DNAH11: variants seen among roughly 807,000 people sequenced by gnomAD.
DNAH11 encodes the protein dynein axonemal heavy chain 11, also known as axonemal beta dynein heavy chain 11.
A neutral mutation model predicts 526.0 loss-of-function variants in DNAH11; 442 were observed. That is an observed-to-expected ratio of 0.84 (90% CI 0.78 to 0.91). The LOEUF (loss-of-function observed/expected upper bound fraction) is 0.91. Ranked by LOEUF, DNAH11 falls within the 40% of genes least tolerant of loss-of-function variation. DNAH11 has a pLI of 0.00. For missense variants in DNAH11, 6,989 were observed against 5,448.7 expected (o/e 1.28, Z -8.90); for synonymous variants, 2,461 against 1,935.9 (o/e 1.27, Z -7.12).
chr7:21,611,920 C>G (rs889019934), intron 20 of DNAH11, among the ~76,000 whole-genome samples: 1 of 152,128 alleles, frequency 6.6e-6, no homozygotes, highest in African/African-American at 2.4e-5. Context: ...TAGTGAATAA[C>G]TAGTTATGCT....
intron 4 of DNAH11, among the ~76,000 whole-genome samples, chr7:21,560,293 T>TA (rs1425592255): frequency 1.3e-5 from 2 of 152,090 alleles, no homozygotes; most frequent in Non-Finnish European, 2.9e-5. Flanking sequence ...TATAATATAT[T>TA]AGGTTCTCTA....
Position 21,818,268 on chromosome 7 carries a change from T to G in DNAH11, c.10620T>G (p.Ile3540Met). The G allele has an allele frequency of 6.2e-7, 1 of 1,612,426 alleles. No homozygotes were observed. The highest frequency in any genetic ancestry group is 8.5e-7 in the Non-Finnish European group (1 of 1,179,098). Residue 3540 changes from isoleucine to methionine, a missense_variant, in exon 65 of 82, where the codon ATT (isoleucine) becomes ATG (methionine). Coordinates refer to ENST00000409508, the MANE Select transcript of DNAH11 (RefSeq NM_001277115.2). ...TGGCCTTTGGTGATGTCATCTTAAT[T>G]GAAAATCTCGAGGAAACGATAGATC... is the stretch of plus-strand genomic sequence containing the variant. ...TALAFGDVILIENLEETIDPV... is the reference protein window; with the variant it reads ...TALAFGDVILMENLEETIDPV...
intron 25 of DNAH11, among the ~76,000 whole-genome samples, chr7:21,625,848 G>A (rs1000133473): frequency 1.8e-4 from 28 of 152,056 alleles, no homozygotes; most frequent in African/African-American, 6.8e-4. Context: ...ATGCCACTGT[G>A]ATTGGAAAAA....
chr7:21,744,764 A>G, intron 50 of DNAH11, 106 bp from the exon 51 acceptor site: 1 of 1,443,780 alleles, frequency 6.9e-7, no homozygotes, highest in Non-Finnish European at 9.4e-7. Context: ...CCACCCACCT[A>G]CCCATGTGTG....
chr7:21,663,757 C>CTT (rs34243043), intron 30 of DNAH11, among the ~76,000 whole-genome samples: 9,987 of 145,732 alleles, frequency 0.069, 704 homozygotes, highest in East Asian at 0.21. Context: ...ACAGGATTTC[C>CTT]TTTTTTTTTT....
intron 32 of DNAH11, among the ~76,000 whole-genome samples, chr7:21,686,891 C>T (rs970610721): frequency 2.0e-5 from 3 of 152,152 alleles, no homozygotes; most frequent in Admixed American, 6.5e-5. Context: ...ACATTCTTTT[C>T]TAGTATTTTT....
intron 45 of DNAH11, among the ~76,000 whole-genome samples, chr7:21,730,683 G>A (rs1290370401): frequency 2.0e-5 from 3 of 152,174 alleles, no homozygotes; most frequent in Non-Finnish European, 2.9e-5. Context: ...GCTACCAGGG[G>A]CTGGAGTTAG....
At chr7:21,783,976 T>C (rs563619394) in intron 57 of DNAH11, among the ~76,000 whole-genome samples, 52 of 152,292 alleles carry the variant, frequency 3.4e-4, no homozygotes, top group African/African-American at 1.1e-3. Context: ...ATCTGTTCTT[T>C]AGGAATAGCC....
intron 66 of DNAH11, among the ~76,000 whole-genome samples, chr7:21,850,908 G>A (rs1782607457): frequency 1.3e-5 from 2 of 152,112 alleles, no homozygotes; most frequent in Admixed American, 1.3e-4. Flanking sequence ...TATTATACTG[G>A]AGTCTGTCAA....
chr7:21,716,931 T>G (rs1375926795), intron 42 of DNAH11, among the ~76,000 whole-genome samples: 2 of 152,188 alleles, frequency 1.3e-5, no homozygotes, highest in African/African-American at 4.8e-5. Flanking sequence ...CTTGCCTTAA[T>G]GTCTCCTGAT....
intron 30 of DNAH11, among the ~76,000 whole-genome samples, chr7:21,680,487 C>A (rs752472840): frequency 1.1e-4 from 16 of 152,212 alleles, no homozygotes; most frequent in Non-Finnish European, 2.1e-4. Context: ...TCAAACCTCT[C>A]TGACCACAAT....
intron 66 of DNAH11, chr7:21,851,415 G>A (rs527714829): frequency 4.9e-5 from 16 of 328,184 alleles, no homozygotes; most frequent in South Asian, 3.0e-4. Context: ...GTCCTTTATC[G>A]CACCTTGAGA....
rs751199741 is a variant in DNAH11 at position 21,707,840 on chromosome 7, T to C, written c.6683+5T>C. ...CCGAGAATGGAAAGATGGCAAGTAG[T>C]ATTTCCCCTTTAGAAGTGCTCAATT... is the stretch of plus-strand genomic sequence containing the variant. On this transcript the variant is annotated splice_donor_5th_base_variant and intron_variant, in intron 40 of 81. Coordinates refer to ENST00000409508, the MANE Select transcript of DNAH11 (RefSeq NM_001277115.2). The C allele has an allele frequency of 1.3e-6, 2 of 1,590,972 alleles. No individual in the cohort carries two copies. Among genetic ancestry groups the C allele is most frequent in the Admixed American group, 3.6e-5 (2 of 55,088 alleles).
chr7:21,713,082 C>T (rs1031510352), intron 42 of DNAH11, among the ~76,000 whole-genome samples: 6 of 152,174 alleles, frequency 3.9e-5, no homozygotes, highest in Non-Finnish European at 7.3e-5. Flanking sequence ...TTATGGTGCC[C>T]AGTTGCTTAC....
At chr7:21,731,985 T>C (rs182965020) in intron 45 of DNAH11, among the ~76,000 whole-genome samples, 3 of 152,322 alleles carry the variant, frequency 2.0e-5, no homozygotes, top group East Asian at 3.9e-4. Context: ...ATCACAGATA[T>C]ATAGGTATAG....
intron 14 of DNAH11, among the ~76,000 whole-genome samples, chr7:21,591,947 C>G (rs1784701986): frequency 6.6e-6 from 1 of 152,194 alleles, no homozygotes; most frequent in South Asian, 2.1e-4. Context: ...AAGGTACCCT[C>G]TCAACCATCT....
chr7:21,594,006 T>TCACACACA (rs909880186), intron 14 of DNAH11, among the ~76,000 whole-genome samples: 16 of 148,922 alleles, frequency 1.1e-4, no homozygotes, highest in African/African-American at 3.7e-4. Flanking sequence ...CTCTCACATA[T>TCACACACA]CACACACACA....
intron 71 of DNAH11, among the ~76,000 whole-genome samples, chr7:21,867,603 C>G (rs1783329916): frequency 6.6e-6 from 1 of 152,098 alleles, no homozygotes; most frequent in South Asian, 2.1e-4. Context: ...GCTGATGGCA[C>G]TCAGGGGGGT....
intron 30 of DNAH11, among the ~76,000 whole-genome samples, chr7:21,675,855 A>C (rs896196409): frequency 7.2e-5 from 11 of 152,186 alleles, no homozygotes; most frequent in African/African-American, 2.4e-4. Flanking sequence ...TAAAGATAAT[A>C]AAATAGAAAC....
Sources: allele counts gnomAD v4.1 joint callset (sites outside exome capture counted in the v4.1 genomes callset), GRCh38; gene constraint gnomAD v4.1.1; transcripts MANE v1.5; gene names NCBI Gene and HGNC (gene_info 2026-07-23, HGNC 2026-07-21).